Variants in C9orf57 observed in about 807,000 individuals in gnomAD.
C9orf57 encodes uncharacterized protein C9orf57.
C9orf57 carries 12 observed loss-of-function variants against 12.9 expected under a neutral mutation model. The observed-to-expected ratio is 0.93, with a 90% CI of 0.60 to 1.51. The LOEUF is 1.51. C9orf57 is among the 40% of genes most tolerant of loss of function. C9orf57 has a pLI of 0.00. For missense variants in C9orf57, 141 were observed against 162.8 expected, an observed-to-expected ratio of 0.87 and a Z score of 0.73; for synonymous variants, 49 against 57.1, an observed-to-expected ratio of 0.86 and a Z score of 0.64.
intron 2 of C9orf57, 69 bp from the exon 3 acceptor site, chr9:72,056,912 C>CTTTTT: frequency 7.0e-6 from 7 of 999,538 alleles, no homozygotes; most frequent in East Asian, 2.9e-5. Flanking sequence ...TATATGTATA[C>CTTTTT]TTTTTTTTTT....
Position 72,059,294 on chromosome 9 carries a change from C to A in C9orf57, c.38G>T (p.Arg13Leu). Residue 13 changes from arginine to leucine, a missense_variant, in exon 2 of 5, where the codon CGC (arginine) becomes CTC (leucine). By Grantham distance (102) the Arg-to-Leu change is moderately radical (BLOSUM62 -2). Transcript: ENST00000651200. ...RIVFAGVILFRLLGVILFRLL... is the reference protein window; with the variant it reads ...RIVFAGVILFLLLGVILFRLL... ...GCGGAATAAGATAACACCTAAGAGG[C>A]GGAATAAGATAACACCAGCAAAAAC... is the stretch of plus-strand genomic sequence containing the variant. 2 of 1,551,444 alleles carry A rather than the reference C, an allele frequency of 1.3e-6. No homozygotes were observed. The highest frequency in any genetic ancestry group is 1.7e-6 in the Non-Finnish European group (2 of 1,146,920).
chr9:72,060,341 G>A (rs1273220612), intron 1 of C9orf57, among the ~76,000 whole-genome samples, 156 bp downstream of exon 1: 6 of 152,092 alleles, frequency 3.9e-5, no homozygotes, highest in African/African-American at 1.4e-4. Context: ...CACCACGCCC[G>A]GCCTATGAAT....
At chr9:72,053,844 TG>T (rs1824132368) in intron 4 of C9orf57, among the ~76,000 whole-genome samples, 1 of 152,222 alleles carries the variant, frequency 6.6e-6, no homozygotes, top group Admixed American at 6.5e-5. Context: ...TGAACGTACT[TG>T]TTGGCAACTG....
In C9orf57 at chr9:72,052,277, T is replaced by C; in HGVS notation, c.*19A>G. The C allele has an allele frequency of 6.4e-7, 1 of 1,551,034 alleles. No homozygotes were observed. The highest frequency in any genetic ancestry group is 8.7e-7 in the Non-Finnish European group (1 of 1,146,744). On this transcript the variant is annotated 3_prime_UTR_variant, in exon 5 of 5. Coordinates refer to ENST00000651200, the MANE Select transcript of C9orf57 (RefSeq NM_001128618.2). ...GAGACTGATTGATCTGCCAAGCATTTTAGATATGGGCCACTGACTCAGAAA... is the reference window on the plus strand; with the variant it reads ...GAGACTGATTGATCTGCCAAGCATTCTAGATATGGGCCACTGACTCAGAAA...
intron 2 of C9orf57, among the ~76,000 whole-genome samples, chr9:72,057,158 T>C (rs1358273032): frequency 6.6e-6 from 1 of 151,984 alleles, no homozygotes; most frequent in Non-Finnish European, 1.5e-5. Flanking sequence ...CCCAAAGTGC[T>C]GGGATTAAAG....
chr9:72,052,547 C>T (rs573052810), intron 4 of C9orf57, 112 bp from the exon 5 acceptor site: 31 of 965,962 alleles, frequency 3.2e-5, no homozygotes, highest in South Asian at 1.1e-4. Context: ...TATCAAGGTA[C>T]GAATCTAGCA....
intron 4 of C9orf57, among the ~76,000 whole-genome samples, chr9:72,055,639 A>T (rs1483267486): frequency 6.6e-6 from 1 of 151,764 alleles, no homozygotes; most frequent in African/African-American, 2.4e-5. Context: ...TTTTCTTCCA[A>T]TGTTTCATTA....
chr9:72,060,393 G>A lies in C9orf57; in HGVS notation c.-54+104C>T, dbSNP rs766089862. The A allele has an allele frequency of 2.2e-4, 153 of 682,744 alleles. No individual in the cohort carries two copies. The Middle Eastern group carries it at 4.6e-3, about 20-fold the overall frequency. 42.3% of individuals were successfully genotyped at this position (682,744 alleles called of 1,614,324 possible). ...ACTGCAAAAGACCTTATTTATGAGG[G>A]AAAAGCATTATGTGATAGTTAACGA... On this transcript the variant is annotated intron_variant, in intron 1 of 4. Coordinates refer to ENST00000651200, the MANE Select transcript of C9orf57 (RefSeq NM_001128618.2).
In C9orf57 at chr9:72,059,360, A is replaced by C; in HGVS notation, c.-29T>G. ...GATTTCCAAGCCGAAAAGGAGATGA[A>C]AGGAAAGACACGTCCCACTGATTTC... On this transcript the variant is annotated 5_prime_UTR_variant, in exon 2 of 5. Transcript: ENST00000651200. The C allele has an allele frequency of 6.5e-7, 1 of 1,541,746 alleles. No homozygotes were observed. Among genetic ancestry groups the C allele is most frequent in the South Asian group, 1.2e-5 (1 of 84,014 alleles).
At chr9:72,057,944 A>G (rs528557481) in intron 2 of C9orf57, among the ~76,000 whole-genome samples, 28 of 152,310 alleles carry the variant, frequency 1.8e-4, no homozygotes, top group Non-Finnish European at 3.7e-4. Flanking sequence ...GACATTATCT[A>G]GAAGATTGTT....
Position 72,056,139 on chromosome 9 carries a change from A to G in C9orf57, c.215T>C (p.Leu72Pro). 5 of 1,551,210 alleles carry G rather than the reference A, an allele frequency of 3.2e-6. No individual in the cohort carries two copies. Among genetic ancestry groups the G allele is most frequent in the Non-Finnish European group, 4.4e-6 (5 of 1,146,612 alleles). The change falls in exon 4 of 5, where the codon CTT becomes CCT. Residue 72 changes from leucine to proline, a missense_variant. Physicochemically the swap from Leu to Pro is moderately conservative, Grantham distance 98 (BLOSUM62 -3). Transcript: ENST00000651200. The stretch of plus-strand genomic sequence containing the variant: ...TGCCTGGCAGGTTCCCAGGTCTAAA[A>G]GACATCCATGGAAGGGCAGTGAAAG... ...CNLSLPFHGC[L>P]LDLGTCQAEP...
intron 2 of C9orf57, 99 bp downstream of exon 2, chr9:72,059,136 C>T: frequency 5.4e-6 from 8 of 1,471,286 alleles, no homozygotes; most frequent in Non-Finnish European, 7.3e-6. Context: ...GCCTCAGCCT[C>T]CCAAAGTGCT....
rs1824276357 is a variant in C9orf57, at chr9:72,059,285, C to G, written c.47G>C (p.Gly16Ala). ...ACCTAAGAGGCGGAATAAGATAACA[C>G]CTAAGAGGCGGAATAAGATAACACC... Reference protein sequence around the residue: ...FAGVILFRLLGVILFRLLGVI... With the variant: ...FAGVILFRLLAVILFRLLGVI... The change falls in exon 2 of 5, where the codon GGT becomes GCT. Residue 16 changes from glycine (G) to alanine (A), a missense_variant. Physicochemically the swap from Gly to Ala is moderately conservative, Grantham distance 60. Transcript: ENST00000651200. 5.8e-6 allele frequency: 9 copies of G among 1,551,742 alleles called. No individual in the cohort carries two copies. The East Asian group carries it at 9.8e-5, about 17-fold the overall frequency.
chr9:72,060,380 C>T (rs1481965250), intron 1 of C9orf57, 117 bp downstream of exon 1: 27 of 657,508 alleles, frequency 4.1e-5, no homozygotes, highest in Non-Finnish European at 6.3e-5. Flanking sequence ...TGCAAAAGAC[C>T]TTATTTATGA....
At chr9:72,056,612 A>T (rs1824208192) in intron 3 of C9orf57, among the ~76,000 whole-genome samples, 172 bp downstream of exon 3, 1 of 151,950 alleles carries the variant, frequency 6.6e-6, no homozygotes, top group Non-Finnish European at 1.5e-5. Flanking sequence ...CAGCTATCTC[A>T]TCTTTAAAAT....
At chr9:72,059,476 A>G in intron 1 of C9orf57, 92 bp from the exon 2 acceptor site, 1 of 1,386,864 alleles carries the variant, frequency 7.2e-7, no homozygotes, top group Non-Finnish European at 9.7e-7. Context: ...AGACAATATA[A>G]ATAAGTTTAT....
chr9:72,052,199 G>A lies in C9orf57; in HGVS notation c.*97C>T. ...CTACCTACAAGGGTCTGAGGTTTCT[G>A]AAGTGGGCTAATTGACAATAGCCAT... On this transcript the variant is annotated 3_prime_UTR_variant, in exon 5 of 5. Transcript: ENST00000651200. The A allele has an allele frequency of 1.5e-6, 2 of 1,372,116 alleles. No homozygotes were observed. The highest frequency in any genetic ancestry group is 2.2e-5 in the Admixed American group (1 of 44,852). The allele number at this position is 1,372,116 out of a possible 1,614,324, so 85.0% of individuals were successfully genotyped here.
At chr9:72,056,611 C>T (rs1031738886) in intron 3 of C9orf57, among the ~76,000 whole-genome samples, 173 bp downstream of exon 3, 1 of 152,046 alleles carries the variant, frequency 6.6e-6, no homozygotes, top group African/African-American at 2.4e-5. Flanking sequence ...TCAGCTATCT[C>T]ATCTTTAAAA....
At chr9:72,054,289 C>T (rs957810669) in intron 4 of C9orf57, among the ~76,000 whole-genome samples, 7 of 152,350 alleles carry the variant, frequency 4.6e-5, no homozygotes, top group Admixed American at 4.6e-4. Flanking sequence ...TGAGCCACCG[C>T]GCCTAGCCTA....
Sources: gnomAD v4.1 joint callset for allele counts (sites outside exome capture counted in the v4.1 genomes callset) on GRCh38, gnomAD v4.1.1 for gene constraint, MANE v1.5 for transcripts, NCBI Gene and HGNC (gene_info 2026-07-23, HGNC 2026-07-21) for gene names.